The following SUGCT variants were observed in gnomAD, a reference collection of about 807,000 sequenced individuals.
SUGCT encodes succinyl-CoA:glutarate-CoA transferase.
SUGCT carries 41 observed loss-of-function variants against 55.0 expected under a neutral mutation model. That is an observed-to-expected ratio of 0.74 (90% CI 0.58 to 0.97). SUGCT has a LOEUF of 0.97. Ranked by LOEUF, SUGCT falls within the 50% of genes least tolerant of loss-of-function variation. The pLI is 0.00. For missense variants in SUGCT, 568 were observed against 547.8 expected (o/e 1.04, Z -0.37); for synonymous variants, 187 against 200.4 (o/e 0.93, Z 0.56).
At chr7:40,701,881 T>G (rs1375584853) in intron 12 of SUGCT, among the ~76,000 whole-genome samples, 1 of 152,170 alleles carries the variant, frequency 6.6e-6, no homozygotes, top group African/African-American at 2.4e-5. Context: ...GAAGGAGAGA[T>G]ATGCTCTAAA....
intron 9 of SUGCT, among the ~76,000 whole-genome samples, chr7:40,323,062 C>G (rs1454258982): frequency 6.6e-6 from 1 of 152,118 alleles, no homozygotes; most frequent in East Asian, 1.9e-4. Flanking sequence ...GAACTCCAAA[C>G]CTTTTGGCCA....
rs557387506 is a variant in SUGCT, at chr7:40,728,540, T to G, written c.1090-20894T>G. ...CTCAAAAAAAGAAAAAATAAAAGAA[T>G]ATACATATTTATATGTTATAGGTAG... On this transcript the variant is annotated intron_variant, in intron 12 of 13. Transcript: ENST00000335693. Among the ~76,000 whole-genome samples the G allele has an allele frequency of 7.0e-4, 106 of 152,132 alleles. 1 individual carries two copies. The highest frequency in any genetic ancestry group is 2.4e-3 in the African/African-American group (98 of 41,522).
chr7:40,230,245 A>G (rs568793802), intron 6 of SUGCT, among the ~76,000 whole-genome samples: 2 of 152,150 alleles, frequency 1.3e-5, no homozygotes, highest in African/African-American at 2.4e-5. Context: ...GTGAAATGGC[A>G]TGTATAGAGG....
intron 7 of SUGCT, among the ~76,000 whole-genome samples, chr7:40,242,933 A>ATATATATAT (rs1270335224): frequency 8.7e-4 from 15 of 17,214 alleles, no homozygotes; most frequent in Non-Finnish European, 1.7e-3. Context: ...ATATATATAT[A>ATATATATAT]TTTTTTTTTT....
the SUGCT span, among the ~76,000 whole-genome samples, chr7:40,915,317 A>G: frequency 2.6e-5 from 4 of 152,158 alleles, no homozygotes; most frequent in Non-Finnish European, 4.4e-5. Flanking sequence ...CTGGAATCCA[A>G]TTTCAAGGAT....
the SUGCT span, among the ~76,000 whole-genome samples, chr7:40,996,886 G>A: frequency 6.6e-6 from 1 of 152,194 alleles, no homozygotes; most frequent in Non-Finnish European, 1.5e-5. Context: ...TCAATCATCA[G>A]ATGAATGGGG....
At chr7:40,889,237 C>T in the SUGCT span, among the ~76,000 whole-genome samples, 1 of 152,076 alleles carries the variant, frequency 6.6e-6, no homozygotes, top group East Asian at 1.9e-4. Flanking sequence ...TCTCAAGGGA[C>T]ATCTGGAAAG....
chr7:40,293,819 C>G (rs1289325200), intron 8 of SUGCT, among the ~76,000 whole-genome samples: 1 of 152,172 alleles, frequency 6.6e-6, no homozygotes, highest in African/African-American at 2.4e-5. Flanking sequence ...AATTTTTAAT[C>G]AAAACTGAAG....
chr7:40,161,042 C>T (rs1237569660), intron 1 of SUGCT, among the ~76,000 whole-genome samples: 1 of 152,102 alleles, frequency 6.6e-6, no homozygotes, highest in South Asian at 2.1e-4. Flanking sequence ...TAAAGCCTAC[C>T]TCTGTCTTTG....
intron 12 of SUGCT, among the ~76,000 whole-genome samples, chr7:40,594,232 G>A (rs889505858): frequency 1.3e-5 from 2 of 151,456 alleles, no homozygotes; most frequent in East Asian, 3.9e-4. Flanking sequence ...GCTAGATGAC[G>A]AGTTAGTGGG....
At chr7:40,659,203 C>T (rs1801181411) in intron 12 of SUGCT, among the ~76,000 whole-genome samples, 1 of 152,148 alleles carries the variant, frequency 6.6e-6, no homozygotes, top group African/African-American at 2.4e-5. Context: ...CCCATAGTTT[C>T]CCTGGGTCAG....
chr7:40,168,925 G>T (rs1453714062), intron 1 of SUGCT, among the ~76,000 whole-genome samples: 1 of 151,960 alleles, frequency 6.6e-6, no homozygotes, highest in Non-Finnish European at 1.5e-5. Context: ...CTGCTTGGTG[G>T]TTCCCTTCTA....
intron 12 of SUGCT, among the ~76,000 whole-genome samples, chr7:40,690,871 C>T (rs566953587): frequency 2.6e-5 from 4 of 152,314 alleles, no homozygotes; most frequent in African/African-American, 9.6e-5. Flanking sequence ...GCCACCACAC[C>T]TGGCCATCCA....
intron 12 of SUGCT, among the ~76,000 whole-genome samples, chr7:40,504,227 A>G (rs574131403): frequency 2.6e-5 from 4 of 152,036 alleles, no homozygotes; most frequent in Admixed American, 2.6e-4. Flanking sequence ...TTGGGAGAAT[A>G]GACCTTCTTC....
At chr7:40,331,547 T>C (rs1024706847) in intron 9 of SUGCT, among the ~76,000 whole-genome samples, 1 of 152,190 alleles carries the variant, frequency 6.6e-6, no homozygotes, top group African/African-American at 2.4e-5. Flanking sequence ...ATATGTTCAG[T>C]AGCCGGTAGC....
intron 10 of SUGCT, among the ~76,000 whole-genome samples, chr7:40,453,308 G>C (rs1364570343): frequency 5.9e-5 from 9 of 152,166 alleles, no homozygotes; most frequent in Non-Finnish European, 1.5e-5. Context: ...TTCTCCTGTT[G>C]CATGGCCTCT....
chr7:40,905,243 C>A, the SUGCT span, among the ~76,000 whole-genome samples: 1 of 152,026 alleles, frequency 6.6e-6, no homozygotes, highest in African/African-American at 2.4e-5. Flanking sequence ...AGCAAGAAAC[C>A]CTTGGTTGTG....
intron 13 of SUGCT, among the ~76,000 whole-genome samples, chr7:40,765,955 T>C (rs1788764265): frequency 6.6e-6 from 1 of 152,218 alleles, no homozygotes; most frequent in South Asian, 2.1e-4. Flanking sequence ...TTACCTTTAT[T>C]AAATGCTTCA....
chr7:40,544,431 G>C (rs189102302), intron 12 of SUGCT, among the ~76,000 whole-genome samples: 7 of 152,298 alleles, frequency 4.6e-5, no homozygotes, highest in Admixed American at 4.6e-4. Context: ...CTTCTTTGCA[G>C]CGGGCTTGCT....
Sources: allele counts gnomAD v4.1 joint callset (sites outside exome capture counted in the v4.1 genomes callset), GRCh38; gene constraint gnomAD v4.1.1; transcripts MANE v1.5; gene names NCBI Gene and HGNC (gene_info 2026-07-23, HGNC 2026-07-21).